The following MNAT1 variants were observed in gnomAD, a reference collection of about 807,000 sequenced individuals.
MNAT1 encodes CDK-activating kinase assembly factor MAT1.
A neutral mutation model predicts 42.0 loss-of-function variants in MNAT1; 43 were observed. The ratio of observed to expected loss-of-function variants is 1.02; its 90% confidence interval spans 0.80 to 1.32. The LOEUF (loss-of-function observed/expected upper bound fraction) is 1.32. MNAT1 is among the 40% of genes most tolerant of loss of function. MNAT1 has a pLI of 0.00. For synonymous variants in MNAT1, 118 were observed against 120.0 expected (o/e 0.98, Z 0.11); for missense variants, 306 against 350.4 (o/e 0.87, Z 1.01).
At chr14:60,849,276 GCTTA>G (rs2033760788) in intron 6 of MNAT1, among the ~76,000 whole-genome samples, 1 of 152,030 alleles carries the variant, frequency 6.6e-6, no homozygotes, top group African/African-American at 2.4e-5. Flanking sequence ...CATTTCTGGG[GCTTA>G]CTTTTCCGTA....
intron 7 of MNAT1, among the ~76,000 whole-genome samples, chr14:60,945,985 C>A (rs1372137482): frequency 2.6e-5 from 4 of 152,176 alleles, no homozygotes; most frequent in African/African-American, 9.7e-5. Flanking sequence ...TAAACTCGTC[C>A]ATACTTGTAC....
intron 7 of MNAT1, among the ~76,000 whole-genome samples, chr14:60,949,456 C>T (rs2036341304): frequency 6.6e-6 from 1 of 152,178 alleles, no homozygotes; most frequent in Admixed American, 6.5e-5. Flanking sequence ...GAAGCAGGTT[C>T]TGTAAAATTT....
At chr14:60,945,800 C>G (rs1002595359) in intron 7 of MNAT1, among the ~76,000 whole-genome samples, 4 of 152,168 alleles carry the variant, frequency 2.6e-5, no homozygotes, top group African/African-American at 9.7e-5. Flanking sequence ...TATCATTTTG[C>G]ACACAGATAC....
intron 7 of MNAT1, among the ~76,000 whole-genome samples, chr14:60,907,471 C>A (rs2035227358): frequency 6.9e-6 from 1 of 144,356 alleles, no homozygotes; most frequent in Non-Finnish European, 1.5e-5. Context: ...AGAAACAGAA[C>A]TTAGGTTCTG....
At chr14:60,917,384 G>A (rs1191071327) in intron 7 of MNAT1, among the ~76,000 whole-genome samples, 3 of 152,004 alleles carry the variant, frequency 2.0e-5, no homozygotes, top group African/African-American at 4.8e-5. Context: ...TTATGAATAA[G>A]CAGTGTATAA....
intron 1 of MNAT1, 73 bp downstream of exon 1, chr14:60,735,024 G>A (rs1896264404): frequency 1.4e-6 from 2 of 1,429,284 alleles, no homozygotes; most frequent in Admixed American, 3.4e-5. Flanking sequence ...GAGATGCTAG[G>A]CCTCGTCTTG....
chr14:60,811,892 T>C, intron 4 of MNAT1, 95 bp from the exon 5 acceptor site: 1 of 899,154 alleles, frequency 1.1e-6, no homozygotes, highest in Non-Finnish European at 1.6e-6. Context: ...GACTAGTGTG[T>C]TTTATGCTTC....
At chr14:60,963,739 G>A (rs2036636478) in intron 7 of MNAT1, among the ~76,000 whole-genome samples, 2 of 152,178 alleles carry the variant, frequency 1.3e-5, no homozygotes, top group South Asian at 4.1e-4. Context: ...TAAAAAGAAA[G>A]TCTTAGTCTC....
At chr14:60,846,619 T>A (rs1034631092) in intron 6 of MNAT1, among the ~76,000 whole-genome samples, 26 of 152,230 alleles carry the variant, frequency 1.7e-4, no homozygotes, top group Admixed American at 1.4e-3. Context: ...TACAATTGGA[T>A]ACATTTTTAA....
In MNAT1 at chr14:60,946,009, C is replaced by T. The variant is rs1014663019; in HGVS notation, c.810-22220C>T. On this transcript the variant is annotated intron_variant, in intron 7 of 7. Coordinates refer to ENST00000261245, the MANE Select transcript of MNAT1 (RefSeq NM_002431.4). ...CCATACTTGTACACATTGCTAACTC[C>T]TTCTGTCCATTCTTATTGGCAGAAA... 7.2e-5 allele frequency among the ~76,000 whole-genome samples: 11 copies of T among 152,222 alleles called. No homozygotes were observed. In the South Asian group the frequency reaches 2.3e-3, roughly 32 times the overall value.
intron 7 of MNAT1, among the ~76,000 whole-genome samples, chr14:60,945,152 G>T (rs564224356): frequency 6.6e-6 from 1 of 152,232 alleles, no homozygotes; most frequent in South Asian, 2.1e-4. Flanking sequence ...ATACTTTCTT[G>T]TTCAAGGTAT....
At chr14:60,765,342 GA>G (rs973979654) in intron 1 of MNAT1, among the ~76,000 whole-genome samples, 2 of 152,096 alleles carry the variant, frequency 1.3e-5, no homozygotes, top group Non-Finnish European at 2.9e-5. Flanking sequence ...TGGACACAGG[GA>G]GGGAAACATC....
At position 60,913,972 on chromosome 14, in the gene MNAT1, C is replaced by T. The variant is rs866519655; in HGVS notation, c.809+34137C>T. On this transcript the variant is annotated intron_variant, in intron 7 of 7. Coordinates refer to ENST00000261245, the MANE Select transcript of MNAT1 (RefSeq NM_002431.4). Reference sequence around the variant, plus strand: ...CCTCCTTGAGCTGTGGTGGGCTCCACGCAGTTCGAGCTTCCTGGCTGCTTT... The same window carrying T: ...CCTCCTTGAGCTGTGGTGGGCTCCATGCAGTTCGAGCTTCCTGGCTGCTTT... Among the ~76,000 whole-genome samples, 34 of 152,358 alleles carry T rather than the reference C, an allele frequency of 2.2e-4. 1 individual carries two copies. Among genetic ancestry groups the T allele is most frequent in the South Asian group, 1.9e-3 (9 of 4,830 alleles).
chr14:60,875,356 T>G (rs2034413925), intron 6 of MNAT1, among the ~76,000 whole-genome samples: 1 of 152,044 alleles, frequency 6.6e-6, no homozygotes, highest in African/African-American at 2.4e-5. Context: ...AATTTACATT[T>G]TGAGGATAAT....
chr14:60,868,520 C>CT (rs2034254237), intron 6 of MNAT1, among the ~76,000 whole-genome samples: 1 of 152,106 alleles, frequency 6.6e-6, no homozygotes, highest in Non-Finnish European at 1.5e-5. Flanking sequence ...ACACTACCAT[C>CT]TTTTTTGTTG....
At chr14:60,880,308 C>T (rs2034523233) in intron 7 of MNAT1, among the ~76,000 whole-genome samples, 1 of 152,074 alleles carries the variant, frequency 6.6e-6, no homozygotes, top group African/African-American at 2.4e-5. Flanking sequence ...TGTGGTTCAA[C>T]AGTCATATTA....
rs368236038 is a variant in MNAT1 at position 60,839,597 on chromosome 14, G to A, written c.687+20750G>A. Among the ~76,000 whole-genome samples, 24 of 152,310 alleles carry A rather than the reference G, an allele frequency of 1.6e-4. No individual in the cohort carries two copies. The East Asian group carries it at 2.7e-3, about 17-fold the overall frequency. On this transcript the variant is annotated intron_variant, in intron 6 of 7. Coordinates refer to ENST00000261245, the MANE Select transcript of MNAT1 (RefSeq NM_002431.4). ...CCATGTTTGGGGGTGATGAGAAGGAGAGAAGAGCTGCAGCTCTGCAGGAAA... is the reference window on the plus strand; with the variant it reads ...CCATGTTTGGGGGTGATGAGAAGGAAAGAAGAGCTGCAGCTCTGCAGGAAA...
intron 2 of MNAT1, among the ~76,000 whole-genome samples, chr14:60,797,009 T>TAC (rs1566769412): frequency 1.3e-5 from 2 of 152,086 alleles, no homozygotes; most frequent in African/African-American, 4.8e-5. Context: ...TGTATATATA[T>TAC]ACCTATATAT....
intron 7 of MNAT1, among the ~76,000 whole-genome samples, chr14:60,912,211 G>T (rs369740040): frequency 6.6e-6 from 1 of 152,076 alleles, no homozygotes. Context: ...GAGCCTATGT[G>T]TGTCTGTGCA....
Sources: allele counts gnomAD v4.1 joint callset (sites outside exome capture counted in the v4.1 genomes callset), GRCh38; gene constraint gnomAD v4.1.1; transcripts MANE v1.5; gene names NCBI Gene and HGNC (gene_info 2026-07-23, HGNC 2026-07-21).